The following CSGALNACT1 variants were observed in gnomAD, a reference collection of about 807,000 sequenced individuals.
CSGALNACT1 encodes the protein chondroitin sulfate N-acetylgalactosaminyltransferase 1, also known as beta4GalNAcT-1.
A neutral mutation model predicts 51.0 loss-of-function variants in CSGALNACT1; 52 were observed. The ratio of observed to expected loss-of-function variants is 1.02; its 90% confidence interval spans 0.82 to 1.29. CSGALNACT1 has a LOEUF of 1.29. CSGALNACT1 is among the 50% of genes most tolerant of loss of function. The pLI is 0.00. For synonymous variants in CSGALNACT1, 341 were observed against 254.4 expected, an observed-to-expected ratio of 1.34 and a Z score of -3.24; for missense variants, 935 against 679.2, an observed-to-expected ratio of 1.38 and a Z score of -4.19.
At chr8:19,484,552 G>C (rs1001409278) in intron 4 of CSGALNACT1, among the ~76,000 whole-genome samples, 1 of 152,210 alleles carries the variant, frequency 6.6e-6, no homozygotes, top group African/African-American at 2.4e-5. Context: ...CAGCAGGTAA[G>C]AGAAAGGAAA....
rs148114967 is a variant in CSGALNACT1 at position 19,559,367 on chromosome 8, G to A, written c.-297+31793C>T. Among the ~76,000 whole-genome samples, 288 of 152,130 alleles carry A rather than the reference G, an allele frequency of 1.9e-3. 1 individual carries two copies. The highest frequency in any genetic ancestry group is 6.5e-3 in the African/African-American group (271 of 41,510). ...TTATCTACCATACAAAAATACTACC[G>A]CAAACATCATACTTAAATGCTGACA... is the stretch of plus-strand genomic sequence containing the variant. On this transcript the variant is annotated intron_variant, in intron 3 of 9. Transcript: ENST00000454498.
At chr8:19,411,862 G>T (rs1470994250) in intron 8 of CSGALNACT1, among the ~76,000 whole-genome samples, 2 of 142,150 alleles carry the variant, frequency 1.4e-5, no homozygotes, top group Non-Finnish European at 3.0e-5. Context: ...ACGGAGTCTT[G>T]CTGTGTTGCC....
chr8:19,618,917 A>G (rs2053446100), intron 1 of CSGALNACT1, among the ~76,000 whole-genome samples: 1 of 152,102 alleles, frequency 6.6e-6, no homozygotes, highest in African/African-American at 2.4e-5. Flanking sequence ...GAGAAGAGAA[A>G]TTTTAATGGG....
intron 1 of CSGALNACT1, among the ~76,000 whole-genome samples, chr8:19,633,962 C>T (rs551359761): frequency 9.9e-5 from 15 of 152,244 alleles, no homozygotes; most frequent in Admixed American, 4.6e-4. Flanking sequence ...ACCGAGGGTT[C>T]GTGCCTTCCT....
rs375283710 is a variant in CSGALNACT1 at position 19,719,736 on chromosome 8, C to G, written c.-297+38114G>C. ...TGAGTCATTTCTACGTGGGAGGATG[C>G]CAGACAATGCCAGCTGCCTACATTC... is the stretch of plus-strand genomic sequence containing the variant. On this transcript the variant is annotated intron_variant, in intron 1 of 1. Coordinates refer to the CSGALNACT1 transcript ENST00000517494. 3.3e-3 allele frequency among the ~76,000 whole-genome samples: 498 copies of G among 152,286 alleles called. 3 individuals carry two copies. The South Asian group carries it at 0.034, about 11-fold the overall frequency.
At chr8:19,540,208 C>T (rs139163418) in intron 3 of CSGALNACT1, among the ~76,000 whole-genome samples, 86 of 152,274 alleles carry the variant, frequency 5.6e-4, no homozygotes, top group African/African-American at 1.9e-3. Flanking sequence ...GTCTAATGAC[C>T]TAAATACGTG....
At chr8:19,567,280 C>T (rs866583964) in intron 3 of CSGALNACT1, among the ~76,000 whole-genome samples, 5 of 152,290 alleles carry the variant, frequency 3.3e-5, no homozygotes, top group South Asian at 4.1e-4. Context: ...TGACTGTAAA[C>T]GTCAATTCTT....
At chr8:19,438,070 G>C (rs907849544) in intron 6 of CSGALNACT1, among the ~76,000 whole-genome samples, 41 of 152,154 alleles carry the variant, frequency 2.7e-4, no homozygotes, top group African/African-American at 9.9e-4. Flanking sequence ...GTAACCGTCA[G>C]CAAATGCCTG....
At chr8:19,461,865 GA>G (rs2065604703) in intron 4 of CSGALNACT1, among the ~76,000 whole-genome samples, 2 of 148,410 alleles carry the variant, frequency 1.3e-5, no homozygotes, top group African/African-American at 2.4e-5. Flanking sequence ...ATTCACCATG[GA>G]GGGCGTATCC....
chr8:19,654,555 T>G (rs1412445685), intron 1 of CSGALNACT1, among the ~76,000 whole-genome samples: 4 of 152,150 alleles, frequency 2.6e-5, no homozygotes, highest in African/African-American at 9.7e-5. Context: ...AATTAGGTAA[T>G]TATTTTTGAG....
intron 4 of CSGALNACT1, among the ~76,000 whole-genome samples, chr8:19,464,430 T>A (rs2066219660): frequency 6.6e-6 from 1 of 152,168 alleles, no homozygotes; most frequent in Non-Finnish European, 1.5e-5. Flanking sequence ...TGCTCCGTAA[T>A]CAGGGCCCCA....
At chr8:19,409,409 T>G (rs2055134012) in intron 8 of CSGALNACT1, among the ~76,000 whole-genome samples, 2 of 152,128 alleles carry the variant, frequency 1.3e-5, no homozygotes. Flanking sequence ...ATCCAGACAC[T>G]GCCCAGTCTC....
At chr8:19,476,122 A>C (rs986837304) in intron 4 of CSGALNACT1, among the ~76,000 whole-genome samples, 2 of 152,244 alleles carry the variant, frequency 1.3e-5, no homozygotes, top group African/African-American at 4.8e-5. Context: ...AAACAATTGA[A>C]TAAGATGTCA....
intron 1 of CSGALNACT1, among the ~76,000 whole-genome samples, chr8:19,688,214 C>G (rs529051528): frequency 1.3e-5 from 2 of 152,134 alleles, no homozygotes; most frequent in Non-Finnish European, 2.9e-5. Flanking sequence ...CTGCTTTCCT[C>G]AATGGGTAAT....
At chr8:19,547,456 T>C (rs1488843634) in intron 3 of CSGALNACT1, among the ~76,000 whole-genome samples, 1 of 147,362 alleles carries the variant, frequency 6.8e-6, no homozygotes, top group Non-Finnish European at 1.5e-5. Context: ...GGTTTCCCCA[T>C]ACTGTTCTCA....
At chr8:19,747,885 T>C (rs1428274473) in intron 1 of CSGALNACT1, among the ~76,000 whole-genome samples, 1 of 152,088 alleles carries the variant, frequency 6.6e-6, no homozygotes. Context: ...TTCCTGTTAT[T>C]CAGGCCCAGA....
chr8:19,699,840 G>A (rs1003143443), intron 1 of CSGALNACT1, among the ~76,000 whole-genome samples: 4 of 152,108 alleles, frequency 2.6e-5, no homozygotes, highest in African/African-American at 4.8e-5. Context: ...GGCTGGGCAC[G>A]GTGGCTCAGC....
At chr8:19,720,744 G>A (rs565232864) in intron 1 of CSGALNACT1, among the ~76,000 whole-genome samples, 18 of 152,224 alleles carry the variant, frequency 1.2e-4, no homozygotes, top group African/African-American at 3.9e-4. Flanking sequence ...TTCCTCCATC[G>A]CTCTCTGGAT....
intron 3 of CSGALNACT1, among the ~76,000 whole-genome samples, chr8:19,510,255 G>T (rs1005029853): frequency 2.6e-5 from 4 of 152,098 alleles, no homozygotes; most frequent in African/African-American, 9.7e-5. Context: ...TGCCTTTCCT[G>T]CCATTCTTAC....
Sources: allele counts gnomAD v4.1 joint callset (sites outside exome capture counted in the v4.1 genomes callset), GRCh38; gene constraint gnomAD v4.1.1; transcripts MANE v1.5; gene names NCBI Gene and HGNC (gene_info 2026-07-23, HGNC 2026-07-21).